Variants in RLN2 observed in about 807,000 individuals in gnomAD.
RLN2 encodes the protein prorelaxin H2.
In RLN2, 10 loss-of-function variants were observed where a neutral mutation model predicts 7.3. The ratio of observed to expected loss-of-function variants is 1.36; its 90% confidence interval spans 0.84 to 2.31. The LOEUF (loss-of-function observed/expected upper bound fraction) is 2.31. Ranked by LOEUF, RLN2 falls within the 30% of genes most tolerant of loss-of-function variation. RLN2 has a pLI of 0.00. For synonymous variants in RLN2, 103 were observed against 82.3 expected (o/e 1.25, Z -1.36); for missense variants, 298 against 217.6 (o/e 1.37, Z -2.32).
chr9:5,319,446 G>GT, the RLN2 span, among the ~76,000 whole-genome samples: 6 of 151,746 alleles, frequency 4.0e-5, no homozygotes, highest in South Asian at 2.1e-4. Flanking sequence ...TTTATGAGAA[G>GT]TTTTTTTTAA....
At chr9:5,327,068 G>A in the RLN2 span, among the ~76,000 whole-genome samples, 1 of 152,142 alleles carries the variant, frequency 6.6e-6, no homozygotes, top group East Asian at 1.9e-4. Context: ...AGCCCACAGA[G>A]GGTGAGCTGA....
chr9:5,328,733 C>T, the RLN2 span, among the ~76,000 whole-genome samples: 2 of 150,222 alleles, frequency 1.3e-5, no homozygotes, highest in East Asian at 2.0e-4. Context: ...CTCTACAAGC[C>T]AGAGGAGAGC....
chr9:5,330,117 T>C, the RLN2 span, among the ~76,000 whole-genome samples: 1 of 151,888 alleles, frequency 6.6e-6, no homozygotes, highest in Non-Finnish European at 1.5e-5. Context: ...CACTCAAAAC[T>C]GCACAACTAC....
chr9:5,323,159 C>A, the RLN2 span, among the ~76,000 whole-genome samples: 1 of 151,748 alleles, frequency 6.6e-6, no homozygotes, highest in Non-Finnish European at 1.5e-5. Flanking sequence ...TCCCCAGTAC[C>A]CCCAAATCCT....
chr9:5,322,235 T>C, the RLN2 span, among the ~76,000 whole-genome samples: 4 of 151,868 alleles, frequency 2.6e-5, no homozygotes, highest in African/African-American at 9.7e-5. Flanking sequence ...CCCTTACCAC[T>C]CAGCAACCCC....
the RLN2 span, among the ~76,000 whole-genome samples, chr9:5,335,959 G>C: frequency 6.6e-6 from 1 of 152,000 alleles, no homozygotes; most frequent in Non-Finnish European, 1.5e-5. Flanking sequence ...CATTTTCTTG[G>C]ATTCTTCTTA....
the RLN2 span, among the ~76,000 whole-genome samples, chr9:5,325,945 A>G: frequency 4.6e-5 from 7 of 152,032 alleles, no homozygotes; most frequent in Admixed American, 4.6e-4. Context: ...AACACACTGG[A>G]AAGTTCTTTT....
chr9:5,335,379 T>G, the RLN2 span: 1 of 1,613,682 alleles, frequency 6.2e-7, no homozygotes, highest in Middle Eastern at 1.7e-4. Context: ...TCTGAAGGAT[T>G]GCTGTCTGCG....
the RLN2 span, chr9:5,335,321 GGTC>G: frequency 6.2e-7 from 1 of 1,611,734 alleles, no homozygotes; most frequent in South Asian, 1.1e-5. Flanking sequence ...TGCCACGTAG[GGTC>G]GTCTCTTTTT....
chr9:5,333,686 T>C, the RLN2 span, among the ~76,000 whole-genome samples: 3 of 151,996 alleles, frequency 2.0e-5, no homozygotes, highest in Admixed American at 6.6e-5. Context: ...AGCATCATCC[T>C]GATACCAAAA....
chr9:5,306,113 T>TG (rs199943427), upstream of RLN2, among the ~76,000 whole-genome samples: 5 of 149,816 alleles, frequency 3.3e-5, no homozygotes, highest in Non-Finnish European at 5.9e-5. Context: ...TTTTTTGTTT[T>TG]TTTTTTTTTT....
the RLN2 span, among the ~76,000 whole-genome samples, chr9:5,310,562 C>T: frequency 1.3e-5 from 2 of 152,136 alleles, no homozygotes; most frequent in South Asian, 2.1e-4. Flanking sequence ...CCCCATAGTG[C>T]ATAGCTTCAA....
chr9:5,312,653 T>A, the RLN2 span, among the ~76,000 whole-genome samples: 2 of 151,926 alleles, frequency 1.3e-5, no homozygotes, highest in Non-Finnish European at 2.9e-5. Flanking sequence ...TTTCTGCCCA[T>A]GTCCTGCCTG....
the RLN2 span, among the ~76,000 whole-genome samples, chr9:5,331,754 C>A: frequency 2.0e-5 from 3 of 151,978 alleles, no homozygotes; most frequent in African/African-American, 7.3e-5. Context: ...CAACATGGCA[C>A]ATATATACCT....
In RLN2 at chr9:5,300,352, G is replaced by C. The variant is rs1816089865; in HGVS notation, c.304C>G (p.Leu102Val). ...GGTAATGCTGGCTGCATCTCAGACA[G>C]GGTTAACTTCAGCTCCTGTGGCAAA... Reference protein sequence around the residue: ...ANLPQELKLTLSEMQPALPQL... With the variant: ...ANLPQELKLTVSEMQPALPQL... Residue 102 changes from leucine (L) to valine (V), a missense_variant, in exon 2 of 2, where the codon CTG (leucine) becomes GTG (valine). Coordinates refer to ENST00000381627, the MANE Select transcript of RLN2 (RefSeq NM_134441.3). The C allele has an allele frequency of 1.9e-6, 3 of 1,613,798 alleles. No homozygotes were observed. The highest frequency in any genetic ancestry group is 1.3e-5 in the African/African-American group (1 of 74,894).
Position 5,300,358 on chromosome 9 carries a change from A to T in RLN2, c.298T>A (p.Leu100Ile). Residue 100 changes from leucine (L) to isoleucine (I), a missense_variant, in exon 2 of 2, where the codon TTA becomes ATA. Transcript: ENST00000381627. ...FVANLPQELK[L>I]TLSEMQPALP... Reference sequence around the variant, plus strand: ...GCTGGCTGCATCTCAGACAGGGTTAACTTCAGCTCCTGTGGCAAATTAGCA... The same window carrying T: ...GCTGGCTGCATCTCAGACAGGGTTATCTTCAGCTCCTGTGGCAAATTAGCA... 1 of 1,613,988 alleles carries T rather than the reference A, an allele frequency of 6.2e-7. No individual in the cohort carries two copies. The highest frequency in any genetic ancestry group is 8.5e-7 in the Non-Finnish European group (1 of 1,179,912).
the RLN2 span, among the ~76,000 whole-genome samples, chr9:5,336,500 T>A: frequency 6.6e-6 from 1 of 152,068 alleles, no homozygotes; most frequent in Non-Finnish European, 1.5e-5. Context: ...TTGTACCCAT[T>A]CAGCTCCGTT....
At chr9:5,327,370 G>A in the RLN2 span, among the ~76,000 whole-genome samples, 666 of 152,142 alleles carry the variant, frequency 4.4e-3, 15 homozygotes, top group African/African-American at 0.015. Flanking sequence ...TGAGGCTTGA[G>A]TAGCTCACAG....
the RLN2 span, among the ~76,000 whole-genome samples, chr9:5,324,932 C>T: frequency 6.6e-6 from 1 of 151,768 alleles, no homozygotes; most frequent in Non-Finnish European, 1.5e-5. Flanking sequence ...GTAATTTTTC[C>T]AGAAATATTC....
Sources: allele counts gnomAD v4.1 joint callset (sites outside exome capture counted in the v4.1 genomes callset), GRCh38; gene constraint gnomAD v4.1.1; transcripts MANE v1.5; gene names NCBI Gene and HGNC (gene_info 2026-07-23, HGNC 2026-07-21).